The following PDGFRL variants were observed in gnomAD, a reference collection of about 807,000 sequenced individuals.
PDGFRL encodes platelet-derived growth factor receptor-like protein.
In PDGFRL, 46 loss-of-function variants were observed where a neutral mutation model predicts 37.2. That is an observed-to-expected ratio of 1.24 (90% CI 0.98 to 1.58). The LOEUF (loss-of-function observed/expected upper bound fraction) is 1.58, where lower values mean the gene tolerates loss of function less well. Among genes scored for constraint, PDGFRL ranks in the 40% most tolerant of loss-of-function variants. PDGFRL has a pLI of 0.00. For missense variants in PDGFRL, 692 were observed against 467.6 expected (o/e 1.48, Z -4.43); for synonymous variants, 251 against 184.3 (o/e 1.36, Z -2.93).
chr8:17,587,779 C>T (rs896317287), intron 1 of PDGFRL, among the ~76,000 whole-genome samples: 10 of 151,914 alleles, frequency 6.6e-5, no homozygotes, highest in East Asian at 1.9e-4. Context: ...TACAGGCATG[C>T]GCCACCATGC....
chr8:17,592,891 T>A (rs1803970223), intron 2 of PDGFRL, among the ~76,000 whole-genome samples: 1 of 151,264 alleles, frequency 6.6e-6, no homozygotes, highest in Non-Finnish European at 1.5e-5. Flanking sequence ...CCTGATACAT[T>A]TGTCCTTCTT....
At chr8:17,624,655 C>T (rs1804697460) in intron 3 of PDGFRL, among the ~76,000 whole-genome samples, 1 of 152,120 alleles carries the variant, frequency 6.6e-6, no homozygotes, top group South Asian at 2.1e-4. Context: ...GCCTATAATC[C>T]CCTAGCACTT....
chr8:17,594,764 A>G (rs1245072656), intron 2 of PDGFRL, among the ~76,000 whole-genome samples: 1 of 151,710 alleles, frequency 6.6e-6, no homozygotes, highest in African/African-American at 2.4e-5. Flanking sequence ...CGTGGTCTCG[A>G]TCTCCTGACC....
intron 5 of PDGFRL, among the ~76,000 whole-genome samples, chr8:17,640,883 G>T (rs1049377485): frequency 6.6e-6 from 1 of 152,008 alleles, no homozygotes; most frequent in African/African-American, 2.4e-5. Flanking sequence ...GGTAGAAAAA[G>T]ACCATTAGTT....
chr8:17,613,390 A>T (rs984701514), intron 2 of PDGFRL, among the ~76,000 whole-genome samples: 1 of 152,142 alleles, frequency 6.6e-6, no homozygotes, highest in South Asian at 2.1e-4. Context: ...GGTCAAAAAG[A>T]ATGATGACCC....
At chr8:17,591,388 G>A (rs1803936464) in intron 2 of PDGFRL, among the ~76,000 whole-genome samples, 1 of 152,076 alleles carries the variant, frequency 6.6e-6, no homozygotes, top group African/African-American at 2.4e-5. Context: ...GGAGGAACCT[G>A]AGCATGGGCT....
At chr8:17,601,726 C>G (rs1261907589) in intron 2 of PDGFRL, among the ~76,000 whole-genome samples, 1 of 152,114 alleles carries the variant, frequency 6.6e-6, no homozygotes, top group Non-Finnish European at 1.5e-5. Flanking sequence ...GGTATTTAGT[C>G]TTCAGTTCCT....
intron 5 of PDGFRL, among the ~76,000 whole-genome samples, chr8:17,636,559 TG>T (rs1197261877): frequency 3.9e-4 from 4 of 10,138 alleles, no homozygotes; most frequent in African/African-American, 5.9e-4. Flanking sequence ...CCTCTAGATT[TG>T]TTTTTTTTTT....
At chr8:17,592,334 C>A (rs976650856) in intron 2 of PDGFRL, among the ~76,000 whole-genome samples, 2 of 152,186 alleles carry the variant, frequency 1.3e-5, no homozygotes, top group Non-Finnish European at 2.9e-5. Flanking sequence ...GTCACTGTCC[C>A]CTGTCTGAGG....
intron 1 of PDGFRL, among the ~76,000 whole-genome samples, chr8:17,580,789 A>G (rs986914103): frequency 4.6e-5 from 7 of 152,268 alleles, no homozygotes; most frequent in Non-Finnish European, 8.8e-5. Flanking sequence ...GCAGCACCAC[A>G]CAGCTTCTAA....
In PDGFRL at chr8:17,609,949, G is replaced by A. The variant is rs1280411653; in HGVS notation, c.354-11102G>A. 3.9e-5 allele frequency among the ~76,000 whole-genome samples: 6 copies of A among 152,296 alleles called. No homozygotes were observed. In the East Asian group the frequency reaches 9.7e-4, roughly 25 times the overall value. ...CCATCAAAGTGGCATTGTTATGAGC[G>A]ATTACCTTGAAAACGTTGGCAGGAG... On this transcript the variant is annotated intron_variant, in intron 2 of 5. Transcript: ENST00000251630.
rs182185031 is a variant in PDGFRL, at chr8:17,616,156, T to A, written c.354-4895T>A. Among the ~76,000 whole-genome samples, 926 of 150,904 alleles carry A rather than the reference T, an allele frequency of 6.1e-3. 4 individuals carry two copies. Among genetic ancestry groups the A allele is most frequent in the Middle Eastern group, 0.01 (3 of 290 alleles). Reference sequence around the variant, plus strand: ...TAGGGTTCCAAAGTCCATGATTTTATTTTATTATTGTTATTATTTATTTAT... The same window carrying A: ...TAGGGTTCCAAAGTCCATGATTTTAATTTATTATTGTTATTATTTATTTAT... On this transcript the variant is annotated intron_variant, in intron 2 of 5. Coordinates refer to ENST00000251630, the MANE Select transcript of PDGFRL (RefSeq NM_001372073.1).
intron 3 of PDGFRL, among the ~76,000 whole-genome samples, chr8:17,626,074 C>A (rs778487047): frequency 3.9e-5 from 6 of 152,250 alleles, no homozygotes; most frequent in Non-Finnish European, 8.8e-5. Context: ...CTCTGCTTAT[C>A]GCTTCAGATT....
At chr8:17,606,593 C>G (rs190029995) in intron 2 of PDGFRL, among the ~76,000 whole-genome samples, 39 of 152,298 alleles carry the variant, frequency 2.6e-4, no homozygotes, top group East Asian at 3.9e-4. Context: ...TCCGTATTTC[C>G]CCAGAGATGG....
intron 1 of PDGFRL, among the ~76,000 whole-genome samples, chr8:17,583,606 T>A (rs2517278): frequency 0.5 from 75,620 of 152,010 alleles, 21,351 homozygotes; most frequent in Non-Finnish European, 0.63. Context: ...GACCTCCTCC[T>A]AACCTCATGT....
chr8:17,620,633 C>A (rs536647502), intron 2 of PDGFRL, among the ~76,000 whole-genome samples: 1 of 152,030 alleles, frequency 6.6e-6, no homozygotes, highest in Non-Finnish European at 1.5e-5. Flanking sequence ...TGCATTTTCA[C>A]GATTAACATT....
intron 5 of PDGFRL, among the ~76,000 whole-genome samples, chr8:17,641,962 T>C (rs1805120861): frequency 7.1e-6 from 1 of 140,524 alleles, no homozygotes. Context: ...ATTAGTTCTG[T>C]TACATGAATT....
chr8:17,600,801 C>CT (rs1804150399), intron 2 of PDGFRL, among the ~76,000 whole-genome samples: 2 of 122,582 alleles, frequency 1.6e-5, no homozygotes, highest in South Asian at 2.9e-4. Flanking sequence ...GACCCCATCT[C>CT]TAAAAAAAAA....
At chr8:17,636,796 A>G (rs1360028486) in intron 5 of PDGFRL, among the ~76,000 whole-genome samples, 1 of 152,082 alleles carries the variant, frequency 6.6e-6, no homozygotes, top group Non-Finnish European at 1.5e-5. Context: ...TTCTTTCAGC[A>G]GTGTTTTGTA....
Sources: gnomAD v4.1 joint callset for allele counts (sites outside exome capture counted in the v4.1 genomes callset) on GRCh38, gnomAD v4.1.1 for gene constraint, MANE v1.5 for transcripts, NCBI Gene and HGNC (gene_info 2026-07-23, HGNC 2026-07-21) for gene names.